Variants in RYR2 observed in about 807,000 individuals in gnomAD.
RYR2 encodes cardiac muscle ryanodine receptor-calcium release channel.
A neutral mutation model predicts 601.1 loss-of-function variants in RYR2; 227 were observed. That is an observed-to-expected ratio of 0.38 (90% CI 0.34 to 0.42). The LOEUF is 0.42. Among genes scored for constraint, RYR2 ranks in the 10% least tolerant of loss-of-function variants. RYR2 has a pLI of 1.00. For synonymous variants in RYR2, 2,223 were observed against 2,175.1 expected (o/e 1.02, Z -0.61); for missense variants, 4,646 against 6,156.5 (o/e 0.75, Z 8.21).
At chr1:237,758,970 A>G (rs1200827739) in intron 82 of RYR2, among the ~76,000 whole-genome samples, 1 of 152,258 alleles carries the variant, frequency 6.6e-6, no homozygotes, top group Admixed American at 6.5e-5. Context: ...AGAACATTTT[A>G]ATAGCCAAAT....
intron 27 of RYR2, among the ~76,000 whole-genome samples, chr1:237,557,443 G>T (rs1313780537): frequency 6.6e-6 from 1 of 152,150 alleles, no homozygotes; most frequent in Non-Finnish European, 1.5e-5. Context: ...TATATGTAAA[G>T]GCTTAGAGAC....
At chr1:237,603,278 T>C (rs1162639333) in intron 35 of RYR2, among the ~76,000 whole-genome samples, 1 of 152,172 alleles carries the variant, frequency 6.6e-6, no homozygotes. Context: ...AGCTTGACTC[T>C]AGTCTGGCAC....
chr1:237,587,577 G>C (rs1051249292), intron 29 of RYR2, among the ~76,000 whole-genome samples: 9 of 151,996 alleles, frequency 5.9e-5, no homozygotes, highest in Non-Finnish European at 1.3e-4. Context: ...ATTTTCCTAT[G>C]CATTAGTGGG....
intron 7 of RYR2, 144 bp from the exon 8 acceptor site, chr1:237,377,179 A>T: frequency 1.8e-6 from 1 of 558,710 alleles, no homozygotes; most frequent in Non-Finnish European, 3.1e-6. Flanking sequence ...GCTAAGGCTT[A>T]ATTCTTTCTC....
In RYR2 at chr1:237,831,715, T is replaced by C. The variant is rs573751433; in HGVS notation, c.14808+150T>C. 1,226 of 580,282 alleles carry C rather than the reference T, an allele frequency of 2.1e-3. 6 individuals carry two copies. The highest frequency in any genetic ancestry group is 4.6e-3 in the South Asian group (197 of 42,718). The allele number at this position is 580,282 out of a possible 1,614,324, so 35.9% of individuals were successfully genotyped here. On this transcript the variant is annotated intron_variant, in intron 104 of 104. Coordinates refer to ENST00000366574, the MANE Select transcript of RYR2 (RefSeq NM_001035.3). ...GATGTAAAGTTCCTGTTATGTTGAA[T>C]GAGTATGGAAAAGATTGCCTTTGTT...
intron 1 of RYR2, among the ~76,000 whole-genome samples, chr1:237,105,869 A>C (rs922935820): frequency 2.6e-5 from 4 of 152,028 alleles, no homozygotes; most frequent in Non-Finnish European, 5.9e-5. Context: ...TCCAAACAAA[A>C]AACATAGTTA....
intron 63 of RYR2, among the ~76,000 whole-genome samples, chr1:237,694,750 C>T (rs1687267588): frequency 2.6e-5 from 4 of 152,116 alleles, no homozygotes; most frequent in Admixed American, 1.3e-4. Flanking sequence ...AATGTGTCCT[C>T]GGTTTGACTG....
chr1:237,502,842 A>AG (rs1488604011), intron 21 of RYR2, among the ~76,000 whole-genome samples: 1 of 152,098 alleles, frequency 6.6e-6, no homozygotes, highest in Non-Finnish European at 1.5e-5. Flanking sequence ...CTAAAAAAAA[A>AG]AAAAGAAAAG....
At chr1:237,110,257 G>C (rs112360390) in intron 1 of RYR2, among the ~76,000 whole-genome samples, 4,277 of 118,388 alleles carry the variant, frequency 0.036, 190 homozygotes, top group African/African-American at 0.11. Flanking sequence ...GGTGGGGCCT[G>C]AAAATGGGCA....
chr1:237,335,749 T>C (rs2149589710), intron 3 of RYR2, among the ~76,000 whole-genome samples: 1 of 152,310 alleles, frequency 6.6e-6, no homozygotes, highest in South Asian at 2.1e-4. Context: ...TGCTCTTTGA[T>C]GGAGTAATAG....
chr1:237,824,458 C>G (rs775353603), intron 101 of RYR2, among the ~76,000 whole-genome samples: 7 of 152,070 alleles, frequency 4.6e-5, no homozygotes, highest in Non-Finnish European at 7.4e-5. Context: ...GCAGAAAAGG[C>G]CTTCGACAAA....
At chr1:237,770,967 T>C (rs931229655) in intron 85 of RYR2, 80 bp downstream of exon 85, 9 of 791,628 alleles carry the variant, frequency 1.1e-5, no homozygotes, top group South Asian at 1.9e-5. Context: ...AGCCTGTTAG[T>C]TCCAATTATG....
At chr1:237,292,609 T>A (rs1238056077) in intron 2 of RYR2, among the ~76,000 whole-genome samples, 3 of 152,180 alleles carry the variant, frequency 2.0e-5, no homozygotes, top group Admixed American at 2.0e-4. Context: ...AGCCAGAAAA[T>A]TTTAAACATA....
intron 2 of RYR2, among the ~76,000 whole-genome samples, chr1:237,286,290 A>T (rs1197951163): frequency 1.3e-5 from 2 of 152,034 alleles, no homozygotes; most frequent in Admixed American, 1.3e-4. Flanking sequence ...ATGCTCATTC[A>T]GGAGCAGGTT....
At position 237,221,006 on chromosome 1, in the gene RYR2, G is replaced by A. The variant is rs575081897; in HGVS notation, c.49-49491G>A. ...AGCTACTCGGGAGGCTGAGGCAGGA[G>A]AATGGCTTGAACCCTGGAGGTGGAG... is the stretch of plus-strand genomic sequence containing the variant. On this transcript the variant is annotated intron_variant, in intron 1 of 104. Coordinates refer to ENST00000366574, the MANE Select transcript of RYR2 (RefSeq NM_001035.3). Among the ~76,000 whole-genome samples the A allele has an allele frequency of 3.3e-5, 5 of 152,188 alleles. No individual in the cohort carries two copies. In the South Asian group the frequency reaches 1.0e-3, roughly 32 times the overall value.
chr1:237,381,600 G>A (rs962038366), intron 8 of RYR2, among the ~76,000 whole-genome samples: 16 of 152,230 alleles, frequency 1.1e-4, no homozygotes, highest in Admixed American at 4.6e-4. Flanking sequence ...TAGTGCATGG[G>A]GTACACTAAT....
At chr1:237,333,526 G>T (rs934475381) in intron 3 of RYR2, 17 of 450,440 alleles carry the variant, frequency 3.8e-5, no homozygotes, top group Middle Eastern at 3.3e-4. Flanking sequence ...CAGGGTTAGG[G>T]AGCACTGTGG....
intron 1 of RYR2, among the ~76,000 whole-genome samples, chr1:237,228,964 A>G (rs1684689537): frequency 6.6e-6 from 1 of 152,194 alleles, no homozygotes; most frequent in South Asian, 2.1e-4. Context: ...TGATGCACCA[A>G]GAACTGTGGG....
In RYR2 at chr1:237,614,773, A is replaced by G. The variant is rs376441643; in HGVS notation, c.5645A>G (p.Glu1882Gly). ...AAGCTGCAAGGAGCTGGTGAGGAAG[A>G]AGCCAAGGGGGGCAAGCGGCCCAAG... ...DAKLQGAGEE[E>G]AKGGKRPKEG... is the part of the protein sequence containing the mutation. Residue 1882 changes from glutamate (E) to glycine (G), a missense_variant, in exon 37 of 105, where the codon GAA (glutamate) becomes GGA (glycine). Coordinates refer to ENST00000366574, the MANE Select transcript of RYR2 (RefSeq NM_001035.3). The surrounding 1 kb of genome is among the most constrained non-coding windows in gnomAD (Gnocchi z 4.3). The G allele has an allele frequency of 3.7e-6, 6 of 1,611,600 alleles. No individual in the cohort carries two copies. Among genetic ancestry groups the G allele is most frequent in the Middle Eastern group, 1.6e-4 (1 of 6,062 alleles).
Sources: allele counts gnomAD v4.1 joint callset (sites outside exome capture counted in the v4.1 genomes callset), GRCh38; gene constraint gnomAD v4.1.1; non-coding constraint Gnocchi (gnomAD v3.1); transcripts MANE v1.5; gene names NCBI Gene and HGNC (gene_info 2026-07-23, HGNC 2026-07-21).